The following POT1 variants were observed in gnomAD, a reference collection of about 807,000 sequenced individuals.
POT1 encodes the protein protection of telomeres 1, also known as protection of telomeres protein 1.
In POT1, 47 loss-of-function variants were observed where a neutral mutation model predicts 78.5. That is an observed-to-expected ratio of 0.60 (90% CI 0.47 to 0.76). POT1 has a LOEUF of 0.76. POT1 is among the 30% of genes least tolerant of loss of function. The pLI is 0.00. For synonymous variants in POT1, 259 were observed against 260.7 expected (o/e 0.99, Z 0.06); for missense variants, 646 against 749.9 (o/e 0.86, Z 1.62).
chr7:124,828,011 C>T (rs926059251), intron 16 of POT1, among the ~76,000 whole-genome samples: 9 of 151,484 alleles, frequency 5.9e-5, no homozygotes, highest in African/African-American at 2.2e-4. Context: ...CCAGCCTGGG[C>T]GACAGAGTAA....
chr7:124,924,434 A>G (rs1797226273), intron 2 of POT1, among the ~76,000 whole-genome samples: 1 of 152,008 alleles, frequency 6.6e-6, no homozygotes, highest in Admixed American at 6.6e-5. Flanking sequence ...CCAGGAAGAA[A>G]GAGAATTCCT....
Position 124,827,215 on chromosome 7 carries a change from G to C in POT1, c.1685C>G (p.Ser562Cys). Reference sequence around the variant, plus strand: ...ATCTTTATTACCTCTGATACTTACAGAATCCATGAGATAGGCTTCTAGTAC... The same window carrying C: ...ATCTTTATTACCTCTGATACTTACACAATCCATGAGATAGGCTTCTAGTAC... The part of the protein sequence containing the change: ...TGVLEAYLMD[S>C]DKFFQIPASE... The change falls in exon 17 of 19, where the codon TCT becomes TGT. Residue 562 changes from serine (S) to cysteine (C), a missense_variant and splice_region_variant. By Grantham distance (112) the Ser-to-Cys change is moderately radical (BLOSUM62 -1). Coordinates refer to ENST00000357628, the MANE Select transcript of POT1 (RefSeq NM_015450.3). 6.7e-7 allele frequency: 1 copy of C among 1,486,450 alleles called. No homozygotes were observed. The highest frequency in any genetic ancestry group is 9.1e-7 in the Non-Finnish European group (1 of 1,092,952). The allele number at this position is 1,486,450 out of a possible 1,614,324, so 92.1% of individuals were successfully genotyped here. A position where few individuals can be genotyped will look rare whatever the true frequency, so the allele number is the denominator to read the frequency against.
chr7:124,906,856 C>T (rs1174119150), intron 3 of POT1, among the ~76,000 whole-genome samples: 3 of 151,938 alleles, frequency 2.0e-5, no homozygotes. Flanking sequence ...GCTTTTAAAA[C>T]ATTCAAGTAC....
chr7:124,877,717 C>T (rs940849224), intron 6 of POT1, among the ~76,000 whole-genome samples: 2 of 151,458 alleles, frequency 1.3e-5, no homozygotes, highest in African/African-American at 2.4e-5. Context: ...CCTGTAGTCC[C>T]AACTACTCGT....
intron 1 of POT1, 133 bp from the exon 2 acceptor site, chr7:124,929,132 T>C (rs1388787633): frequency 6.6e-6 from 1 of 152,204 alleles, no homozygotes; most frequent in Admixed American, 6.5e-5. Context: ...GGATGGATTA[T>C]TTTACAATTT....
chr7:124,898,382 G>T lies in POT1; in HGVS notation c.-153-8C>A, dbSNP rs965459037. On this transcript the variant is annotated splice_polypyrimidine_tract_variant and splice_region_variant and intron_variant, in intron 3 of 18. Transcript: ENST00000357628. ...AGCCACTGCAATGGTGTCCTACATA[G>T]AAAAAAAAAAGTTTTTGAATCAATC... 1.4e-5 allele frequency: 2 copies of T among 146,344 alleles called. No individual in the cohort carries two copies. Among genetic ancestry groups the T allele is most frequent in the Non-Finnish European group, 3.0e-5 (2 of 66,262 alleles). 9.1% of individuals were successfully genotyped at this position (146,344 alleles called of 1,614,324 possible).
At chr7:124,856,825 A>T (rs1442161016) in intron 9 of POT1, among the ~76,000 whole-genome samples, 1 of 152,222 alleles carries the variant, frequency 6.6e-6, no homozygotes, top group East Asian at 1.9e-4. Context: ...TGAACTTATC[A>T]TATATTTAAT....
chr7:124,829,881 T>C (rs1794720228), intron 15 of POT1, among the ~76,000 whole-genome samples: 1 of 152,080 alleles, frequency 6.6e-6, no homozygotes, highest in Non-Finnish European at 1.5e-5. Flanking sequence ...TGTAATTTTA[T>C]AGAGACAGGG....
chr7:124,868,068 AAAG>A (rs1168741521), intron 7 of POT1, among the ~76,000 whole-genome samples: 1 of 152,228 alleles, frequency 6.6e-6, no homozygotes, highest in African/African-American at 2.4e-5. Context: ...TTTGCTGGAA[AAAG>A]AAGAGTAGAT....
At chr7:124,870,319 A>G (rs553255850) in intron 7 of POT1, among the ~76,000 whole-genome samples, 42 of 152,144 alleles carry the variant, frequency 2.8e-4, no homozygotes, top group Non-Finnish European at 4.6e-4. Context: ...GTAAGTTCTA[A>G]AATTTTTTTA....
intron 13 of POT1, among the ~76,000 whole-genome samples, chr7:124,841,981 T>C (rs1795039031): frequency 6.6e-6 from 1 of 152,020 alleles, no homozygotes; most frequent in Non-Finnish European, 1.5e-5. Context: ...AAATAAAAAA[T>C]TTCTTCAAAC....
At chr7:124,894,537 T>C (rs1160602678) in intron 5 of POT1, among the ~76,000 whole-genome samples, 1 of 151,756 alleles carries the variant, frequency 6.6e-6, no homozygotes, top group Non-Finnish European at 1.5e-5. Context: ...ACAGCTAAGA[T>C]ATAAACCTCA....
In POT1 at chr7:124,842,872, C is replaced by T. The variant is rs1382853322; in HGVS notation, c.1098G>A (p.Leu366=). 1 of 1,611,280 alleles carries T rather than the reference C, an allele frequency of 6.2e-7. No individual in the cohort carries two copies. The highest frequency in any genetic ancestry group is 2.2e-5 in the East Asian group (1 of 44,768). The change falls in exon 13 of 19, where the codon TTG becomes TTA. Residue 366 remains leucine, a synonymous_variant. Coordinates refer to ENST00000357628, the MANE Select transcript of POT1 (RefSeq NM_015450.3). ...ATAGTCTTCTGGGCTTATATGACCTCAATTTTGCTCGGATGCGGTATTGTT... is the reference window on the plus strand; with the variant it reads ...ATAGTCTTCTGGGCTTATATGACCTTAATTTTGCTCGGATGCGGTATTGTT... ...APQQYRIRAK[L]RSYKPRRLFQ...
chr7:124,839,996 C>CT (rs1330477742), intron 14 of POT1, among the ~76,000 whole-genome samples: 2 of 130,314 alleles, frequency 1.5e-5, no homozygotes, highest in African/African-American at 5.5e-5. Flanking sequence ...TTTAAGACTT[C>CT]ATTTTTTTTT....
chr7:124,872,113 T>C (rs1416416430), intron 6 of POT1, among the ~76,000 whole-genome samples: 2 of 152,314 alleles, frequency 1.3e-5, no homozygotes, highest in East Asian at 1.9e-4. Context: ...TGGCTTATTT[T>C]ACTTAAGAAT....
intron 8 of POT1, 33 bp from the exon 9 acceptor site, chr7:124,859,145 C>A (rs774577899): frequency 7.0e-7 from 1 of 1,428,954 alleles, no homozygotes; most frequent in Admixed American, 2.5e-5. Context: ...TTTTATGATC[C>A]TTTTGAAAAA....
At chr7:124,916,723 ATT>A (rs1255095703) in intron 2 of POT1, among the ~76,000 whole-genome samples, 1 of 152,172 alleles carries the variant, frequency 6.6e-6, no homozygotes, top group Non-Finnish European at 1.5e-5. Flanking sequence ...TGTAAGAAAA[ATT>A]CATCTAACAC....
In POT1 at chr7:124,842,867, G is replaced by A. The variant is rs751711376; in HGVS notation, c.1103C>T (p.Ser368Leu). 2 of 1,610,864 alleles carry A rather than the reference G, an allele frequency of 1.2e-6. No homozygotes were observed. Among genetic ancestry groups the A allele is most frequent in the South Asian group, 1.1e-5 (1 of 90,262 alleles). Reference protein sequence around the residue: ...QQYRIRAKLRSYKPRRLFQSV... With the variant: ...QQYRIRAKLRLYKPRRLFQSV... ...CTGAAATAGTCTTCTGGGCTTATAT[G>A]ACCTCAATTTTGCTCGGATGCGGTA... is the stretch of plus-strand genomic sequence containing the variant. Residue 368 changes from serine (S) to leucine (L), a missense_variant, in exon 13 of 19, where the codon TCA (serine) becomes TTA (leucine). Transcript: ENST00000357628.
rs1796512458 is a variant in POT1 at position 124,897,195 on chromosome 7, T to G, written c.-22A>C. Reference sequence around the variant, plus strand: ...ACATTGATTCTGTAGAAAAATCTCTTAAAGATTTGACATAAACCTGAAGGA... The same window carrying G: ...ACATTGATTCTGTAGAAAAATCTCTGAAAGATTTGACATAAACCTGAAGGA... On this transcript the variant is annotated 5_prime_UTR_variant, in exon 5 of 19. The change abolishes the stop of an existing upstream ORF in the 5' untranslated region. Coordinates refer to ENST00000357628, the MANE Select transcript of POT1 (RefSeq NM_015450.3). The G allele has an allele frequency of 6.9e-7, 1 of 1,440,654 alleles. No homozygotes were observed. The allele number at this position is 1,440,654 out of a possible 1,614,324, so 89.2% of individuals were successfully genotyped here.
Sources: gnomAD v4.1 joint callset for allele counts (sites outside exome capture counted in the v4.1 genomes callset) on GRCh38, gnomAD v4.1.1 for gene constraint, MANE v1.5 for transcripts, NCBI Gene and HGNC (gene_info 2026-07-23, HGNC 2026-07-21) for gene names.